Variants in SLCO1C1 observed in about 807,000 individuals in gnomAD.
SLCO1C1 encodes solute carrier organic anion transporter family member 1C1.
Under a neutral mutation model 76.4 loss-of-function variants are expected in SLCO1C1, and 70 were observed. The ratio of observed to expected loss-of-function variants is 0.92; its 90% CI spans 0.76 to 1.12. The LOEUF (loss-of-function observed/expected upper bound fraction) is 1.12. SLCO1C1 is among the 50% of genes most tolerant of loss of function. The pLI, the probability that SLCO1C1 is intolerant of heterozygous loss-of-function variation, is 0.00. For missense variants in SLCO1C1, 912 were observed against 823.8 expected, an observed-to-expected ratio of 1.11 and a Z score of -1.31; for synonymous variants, 306 against 286.1, an observed-to-expected ratio of 1.07 and a Z score of -0.70.
chr12:20,711,604 C>T lies in SLCO1C1; in HGVS notation c.529+94C>T, dbSNP rs1592242952. ...GACAAAAGTGTCTATGATTTTTGCT[C>T]CCAAAAGCTTTACTACTTAAATTGA... On this transcript the variant is annotated intron_variant, in intron 5 of 14. Coordinates refer to ENST00000266509, the MANE Select transcript of SLCO1C1 (RefSeq NM_017435.5). The T allele has an allele frequency of 6.6e-6, 9 of 1,373,474 alleles. No homozygotes were observed. The East Asian group carries it at 1.6e-4, about 25-fold the overall frequency. The allele number at this position is 1,373,474 out of a possible 1,614,324, so 85.1% of individuals were successfully genotyped here. A position where few individuals can be genotyped will look rare whatever the true frequency, so the allele number is the denominator to read the frequency against.
chr12:20,735,690 T>C (rs971414322), intron 10 of SLCO1C1, among the ~76,000 whole-genome samples: 19 of 152,150 alleles, frequency 1.2e-4, no homozygotes, highest in African/African-American at 4.1e-4. Flanking sequence ...GGTGACAAAA[T>C]TCATCATACC....
In SLCO1C1 at chr12:20,752,373, T is replaced by A. The variant is rs766713308; in HGVS notation, c.1984T>A (p.Phe662Ile). Residue 662 changes from phenylalanine to isoleucine, a missense_variant, in exon 15 of 15, where the codon TTC becomes ATC. By Grantham distance (21) the Phe-to-Ile change is conservative (BLOSUM62 0). Coordinates refer to ENST00000266509, the MANE Select transcript of SLCO1C1 (RefSeq NM_017435.5). ...VSILLSIAVL[F>I]ILKKNYVSKH... ...AATTCTCCTAAGCATTGCAGTACTT[T>A]TCATTTTAAAGAAAAATTATGTTTC... The A allele has an allele frequency of 5.6e-6, 9 of 1,613,490 alleles. No individual in the cohort carries two copies. The highest frequency in any genetic ancestry group is 7.6e-6 in the Non-Finnish European group (9 of 1,179,594).
At chr12:20,700,530 T>A (rs1005792379) in intron 2 of SLCO1C1, among the ~76,000 whole-genome samples, 1 of 151,964 alleles carries the variant, frequency 6.6e-6, no homozygotes, top group Non-Finnish European at 1.5e-5. Context: ...ACATGTGCCA[T>A]GTTGGTGTGC....
At chr12:20,732,131 T>G (rs950981906) in intron 9 of SLCO1C1, among the ~76,000 whole-genome samples, 22 of 152,196 alleles carry the variant, frequency 1.4e-4, no homozygotes, top group Admixed American at 1.4e-3. Context: ...AGATTACTAG[T>G]GAGGCTGCAC....
At chr12:20,716,146 T>G (rs1344806523) in intron 6 of SLCO1C1, among the ~76,000 whole-genome samples, 1 of 152,234 alleles carries the variant, frequency 6.6e-6, no homozygotes, top group Non-Finnish European at 1.5e-5. Flanking sequence ...TTGCCTTGGC[T>G]ATGCTCTGCA....
At chr12:20,745,275 CA>C (rs1281846871) in intron 13 of SLCO1C1, among the ~76,000 whole-genome samples, 7 of 151,826 alleles carry the variant, frequency 4.6e-5, no homozygotes, top group African/African-American at 1.7e-4. Context: ...TTAAAATAAC[CA>C]AATCTTAAAC....
intron 1 of SLCO1C1, among the ~76,000 whole-genome samples, chr12:20,698,696 T>C (rs902722724): frequency 2.6e-5 from 4 of 152,086 alleles, no homozygotes; most frequent in African/African-American, 9.7e-5. Flanking sequence ...CCTCTATTAA[T>C]GTACAATTGG....
intron 4 of SLCO1C1, among the ~76,000 whole-genome samples, chr12:20,708,040 C>G (rs1209091963): frequency 1.3e-5 from 2 of 152,178 alleles, no homozygotes; most frequent in African/African-American, 4.8e-5. Flanking sequence ...CACAATTCTT[C>G]CTTCATGAAG....
chr12:20,724,407 GTGTGTATATATATATATATATA>G (rs1323167837), intron 9 of SLCO1C1, among the ~76,000 whole-genome samples: 1,922 of 45,304 alleles, frequency 0.042, 35 homozygotes, highest in African/African-American at 0.1. Flanking sequence ...GTGTGTGTGT[GTGTGTATATATATATATATATA>G]TATATATATA....
chr12:20,716,062 G>T (rs1171409527), intron 6 of SLCO1C1, among the ~76,000 whole-genome samples: 2 of 152,058 alleles, frequency 1.3e-5, no homozygotes, highest in Non-Finnish European at 2.9e-5. Context: ...TCTTTTAAAG[G>T]CCTCACGTTC....
chr12:20,712,392 T>C (rs752286135), intron 5 of SLCO1C1, among the ~76,000 whole-genome samples: 1 of 152,174 alleles, frequency 6.6e-6, no homozygotes, highest in Non-Finnish European at 1.5e-5. Flanking sequence ...CTGCCTGGGC[T>C]TCACTTGGCC....
rs1948592613 is a variant in SLCO1C1 at position 20,737,235 on chromosome 12, C to A, written c.1511C>A (p.Ala504Asp). The change falls in exon 11 of 15, where the codon GCT becomes GAT. Residue 504 changes from alanine to aspartate, a missense_variant. Ala to Asp is a moderately radical substitution (Grantham distance 126). Coordinates refer to ENST00000266509, the MANE Select transcript of SLCO1C1 (RefSeq NM_017435.5). ...ATCACATATGTATCAGCTTGTCTTG[C>A]TGGTTGTCAAACCTCCAACAGGAGT... ...NGITYVSACL[A>D]GCQTSNRSGK... is the part of the protein sequence containing the mutation. 1.3e-6 allele frequency: 2 copies of A among 1,567,128 alleles called. No homozygotes were observed. Among genetic ancestry groups the A allele is most frequent in the Non-Finnish European group, 1.7e-6 (2 of 1,163,900 alleles).
At chr12:20,714,096 G>T (rs1438971206) in intron 5 of SLCO1C1, among the ~76,000 whole-genome samples, 1 of 152,176 alleles carries the variant, frequency 6.6e-6, no homozygotes, top group African/African-American at 2.4e-5. Flanking sequence ...TAGAATCCAC[G>T]TGAGTGCAAA....
chr12:20,749,372 G>A (rs1004932736), intron 13 of SLCO1C1, among the ~76,000 whole-genome samples: 1 of 152,186 alleles, frequency 6.6e-6, no homozygotes, highest in Non-Finnish European at 1.5e-5. Flanking sequence ...TCCAAGTGTA[G>A]GCAGCGGTTG....
chr12:20,715,101 G>C (rs772126672), intron 5 of SLCO1C1, 38 bp from the exon 6 acceptor site: 1 of 1,611,144 alleles, frequency 6.2e-7, no homozygotes. Context: ...CTTTTAAAGT[G>C]ATCTATTTTC....
intron 13 of SLCO1C1, among the ~76,000 whole-genome samples, chr12:20,748,581 T>C (rs1565549577): frequency 6.6e-6 from 1 of 152,192 alleles, no homozygotes; most frequent in East Asian, 1.9e-4. Context: ...AACAATAGTG[T>C]CTTCTATAGT....
intron 12 of SLCO1C1, among the ~76,000 whole-genome samples, chr12:20,740,787 T>TTATA (rs71039980): frequency 0.08 from 6,012 of 74,948 alleles, 501 homozygotes; most frequent in African/African-American, 0.18. Flanking sequence ...TTTATTTTAT[T>TTATA]TATATATATA....
In SLCO1C1 at chr12:20,752,290, TTCTC is replaced by T; in HGVS notation, c.1917-12_1917-9del. ...GTTGTTGCATTAATTATAACAGAGA[TTCTC>T]TCTTCTTCTAGACATATATATCTGG... On this transcript the variant is annotated splice_polypyrimidine_tract_variant and intron_variant, in intron 14 of 14. Transcript: ENST00000266509. The T allele has an allele frequency of 6.8e-7, 1 of 1,471,570 alleles. No individual in the cohort carries two copies. Among genetic ancestry groups the T allele is most frequent in the South Asian group, 1.4e-5 (1 of 71,754 alleles). 91.2% of individuals were successfully genotyped at this position (1,471,570 alleles called of 1,614,324 possible).
In SLCO1C1 at chr12:20,752,264, G is replaced by C. The variant is rs77216647; in HGVS notation, c.1917-42G>C. ...TACCTTTTAAATTTTCTTTCAAGTT[G>C]GTTGTTGCATTAATTATAACAGAGA... On this transcript the variant is annotated intron_variant, in intron 14 of 14. Transcript: ENST00000266509. 1.0e-3 allele frequency: 1,373 copies of C among 1,310,088 alleles called. 13 individuals are homozygous for C. In the African/African-American group the frequency reaches 0.018, roughly 17 times the overall value. 81.2% of individuals were successfully genotyped at this position (1,310,088 alleles called of 1,614,324 possible).
Sources: allele counts gnomAD v4.1 joint callset (sites outside exome capture counted in the v4.1 genomes callset), GRCh38; gene constraint gnomAD v4.1.1; transcripts MANE v1.5; gene names NCBI Gene and HGNC (gene_info 2026-07-23, HGNC 2026-07-21).